PIP4K2A: variants seen among roughly 807,000 people sequenced by gnomAD.
The protein encoded by PIP4K2A is phosphatidylinositol 5-phosphate 4-kinase type-2 alpha.
In PIP4K2A, 14 loss-of-function variants were observed where a neutral mutation model predicts 42.9. That is an observed-to-expected ratio of 0.33 (90% CI 0.22 to 0.51). The LOEUF (loss-of-function observed/expected upper bound fraction) is 0.51, where lower values mean the gene tolerates loss of function less well. Ranked by LOEUF, PIP4K2A falls within the 20% of genes least tolerant of loss-of-function variation. PIP4K2A has a pLI of 0.97. For synonymous variants in PIP4K2A, 192 were observed against 192.2 expected, an observed-to-expected ratio of 1.00 and a Z score of 0.01; for missense variants, 434 against 519.8, an observed-to-expected ratio of 0.83 and a Z score of 1.61.
chr10:22,558,827 C>T (rs1022475215), intron 6 of PIP4K2A, among the ~76,000 whole-genome samples: 6 of 152,224 alleles, frequency 3.9e-5, no homozygotes, highest in East Asian at 1.9e-4. Context: ...GTAAGTAAGC[C>T]GCGCAAAACT....
chr10:22,705,426 T>TAAAAAAAAAAAAAAAAAAAAAAAAAA (rs150254345), intron 1 of PIP4K2A, among the ~76,000 whole-genome samples: 1 of 29,244 alleles, frequency 3.4e-5, no homozygotes, highest in Non-Finnish European at 5.7e-5. Context: ...GTACCCCAGT[T>TAAAAAAAAAAAAAAAAAAAAAAAAAA]AAAAAAAAAA....
chr10:22,603,088 T>C (rs546789973), intron 3 of PIP4K2A, among the ~76,000 whole-genome samples: 5 of 152,214 alleles, frequency 3.3e-5, no homozygotes, highest in Non-Finnish European at 7.3e-5. Flanking sequence ...ATTTCTAAAC[T>C]TGAAATAAGA....
intron 7 of PIP4K2A, among the ~76,000 whole-genome samples, chr10:22,543,092 G>A (rs951507577): frequency 6.6e-6 from 1 of 152,234 alleles, no homozygotes; most frequent in South Asian, 2.1e-4. Context: ...CACAGGTCTT[G>A]AAGTTCTGGC....
chr10:22,694,062 A>G (rs1261607377), intron 1 of PIP4K2A: 1 of 152,136 alleles, frequency 6.6e-6, no homozygotes, highest in African/African-American at 2.4e-5. Context: ...CCTGGGTGCC[A>G]CAGGGCTGAC....
chr10:22,615,758 CACTTAATGGTTGTCAAAT>C (rs1481700001), intron 1 of PIP4K2A, among the ~76,000 whole-genome samples: 4 of 152,196 alleles, frequency 2.6e-5, no homozygotes, highest in African/African-American at 7.2e-5. Context: ...TATCACTTTA[CACTTAATGGTTGTCAAAT>C]ACTTAATGGT....
At chr10:22,664,224 T>C (rs993027586) in intron 1 of PIP4K2A, among the ~76,000 whole-genome samples, 1 of 52,746 alleles carries the variant, frequency 1.9e-5, no homozygotes, top group East Asian at 7.2e-4. Context: ...TATACATATA[T>C]ATATACACAC....
At position 22,536,551 on chromosome 10, in the gene PIP4K2A, C is replaced by T. The variant is rs1835923808; in HGVS notation, c.*650G>A. ...CACGGAGACGCCAGCATTCTTCCGT[C>T]CAGTGCTGGGGGCTCAGGTTATCAG... On this transcript the variant is annotated 3_prime_UTR_variant, in exon 10 of 10. Coordinates refer to ENST00000376573, the MANE Select transcript of PIP4K2A (RefSeq NM_005028.5). The T allele has an allele frequency of 6.2e-6, 1 of 160,488 alleles. No individual in the cohort carries two copies. The highest frequency in any genetic ancestry group is 1.3e-5 in the Non-Finnish European group (1 of 74,132). 9.9% of individuals were successfully genotyped at this position (160,488 alleles called of 1,614,324 possible).
rs185151342 is a variant in PIP4K2A at position 22,546,703 on chromosome 10, A to G, written c.792+3956T>C. On this transcript the variant is annotated intron_variant, in intron 7 of 9. Coordinates refer to ENST00000376573, the MANE Select transcript of PIP4K2A (RefSeq NM_005028.5). ...TGGGATTACAGGCATGAGCCACCAC[A>G]ACAGGCCTCAAACTTTACTTTAAAT... Among the ~76,000 whole-genome samples, 32 of 152,286 alleles carry G rather than the reference A, an allele frequency of 2.1e-4. No homozygotes were observed. In the East Asian group the frequency reaches 6.0e-3, roughly 28 times the overall value.
intron 1 of PIP4K2A, among the ~76,000 whole-genome samples, chr10:22,610,818 G>C (rs1211047749): frequency 6.6e-6 from 1 of 152,212 alleles, no homozygotes; most frequent in African/African-American, 2.4e-5. Flanking sequence ...GCCTTTGAAA[G>C]TGGCCCCAAC....
intron 1 of PIP4K2A, among the ~76,000 whole-genome samples, chr10:22,622,441 C>A (rs1294654483): frequency 6.6e-6 from 1 of 152,252 alleles, no homozygotes; most frequent in East Asian, 1.9e-4. Context: ...CGTCACGGAG[C>A]ACGGGAGGAG....
chr10:22,601,350 G>A (rs888580614), intron 3 of PIP4K2A, among the ~76,000 whole-genome samples: 9 of 151,350 alleles, frequency 5.9e-5, no homozygotes, highest in Admixed American at 2.6e-4. Flanking sequence ...GGCAGGTGGT[G>A]GTAGGAACAG....
rs535309116 is a variant in PIP4K2A at position 22,550,049 on chromosome 10, G to A, written c.792+610C>T. On this transcript the variant is annotated intron_variant, in intron 7 of 9. Transcript: ENST00000376573. ...AAAGCAAAACTCCATCATTATGGAC[G>A]AAAGCCCCTTGGACACTGTTCTATG... 5.3e-5 allele frequency among the ~76,000 whole-genome samples: 8 copies of A among 152,156 alleles called. No homozygotes were observed. The South Asian group carries it at 1.0e-3, about 20-fold the overall frequency.
chr10:22,567,756 A>G (rs1345805970), intron 6 of PIP4K2A, 95 bp downstream of exon 6: 7 of 1,047,432 alleles, frequency 6.7e-6, no homozygotes, highest in Non-Finnish European at 1.1e-5. Context: ...GAACCACAAT[A>G]GCAGGGGTGG....
intron 4 of PIP4K2A, among the ~76,000 whole-genome samples, chr10:22,576,589 G>C (rs1474459948): frequency 2.0e-5 from 3 of 152,112 alleles, no homozygotes; most frequent in Non-Finnish European, 4.4e-5. Flanking sequence ...TGTGACCTTG[G>C]GACAGTTATT....
At position 22,569,107 on chromosome 10, in the gene PIP4K2A, A is replaced by G. The variant is rs914589043; in HGVS notation, c.640-1218T>C. On this transcript the variant is annotated intron_variant, in intron 5 of 9. Coordinates refer to ENST00000376573, the MANE Select transcript of PIP4K2A (RefSeq NM_005028.5). ...CTGGCTTTCATCGAGCAGCTCAGGC[A>G]TTGACTAGGATTGAGCTTCCTGCAA... The G allele has an allele frequency of 4.0e-5, 50 of 1,243,694 alleles. No homozygotes were observed. In the Admixed American group the frequency reaches 8.7e-4, roughly 22 times the overall value. 77.0% of individuals were successfully genotyped at this position (1,243,694 alleles called of 1,614,324 possible). A position where few individuals can be genotyped will look rare whatever the true frequency, so the allele number is the denominator to read the frequency against.
intron 6 of PIP4K2A, among the ~76,000 whole-genome samples, chr10:22,553,478 G>A (rs79326725): frequency 0.026 from 4,001 of 152,290 alleles, 74 homozygotes; most frequent in Admixed American, 0.048. Flanking sequence ...CTTTGTGTGC[G>A]TCATTTTATT....
rs1273354267 is a variant in PIP4K2A at position 22,664,150 on chromosome 10, TACAC to T, written c.144+50029_144+50032del. 9.7e-4 allele frequency among the ~76,000 whole-genome samples: 21 copies of T among 21,728 alleles called. 1 individual carries two copies. Among genetic ancestry groups the T allele is most frequent in the African/African-American group, 3.9e-3 (14 of 3,550 alleles). The allele number at this position is 21,728 out of a possible 152,430, so 14.3% of individuals were successfully genotyped here. Reference sequence around the variant, plus strand: ...ATATACATATATATATACATATATATACACATATATATATATACATATATATATA... The same window carrying T: ...ATATACATATATATATACATATATATATATATATATATACATATATATATA... On this transcript the variant is annotated intron_variant, in intron 1 of 9. Coordinates refer to ENST00000376573, the MANE Select transcript of PIP4K2A (RefSeq NM_005028.5).
At chr10:22,560,587 G>A (rs1475919408) in intron 6 of PIP4K2A, among the ~76,000 whole-genome samples, 3 of 152,200 alleles carry the variant, frequency 2.0e-5, no homozygotes, top group East Asian at 1.9e-4. Flanking sequence ...TCGACAAGGC[G>A]GCTTTTTGTA....
At chr10:22,540,470 C>G (rs1454421549) in intron 8 of PIP4K2A, among the ~76,000 whole-genome samples, 1 of 151,908 alleles carries the variant, frequency 6.6e-6, no homozygotes, top group African/African-American at 2.4e-5. Context: ...ATTATGTACA[C>G]TAATCCTTTA....
Sources: gnomAD v4.1 joint callset for allele counts (sites outside exome capture counted in the v4.1 genomes callset) on GRCh38, gnomAD v4.1.1 for gene constraint, MANE v1.5 for transcripts, NCBI Gene and HGNC (gene_info 2026-07-23, HGNC 2026-07-21) for gene names.